Variants in BAP1 observed in about 807,000 individuals in gnomAD.
BAP1 encodes ubiquitin carboxyl-terminal hydrolase BAP1.
In BAP1, 16 loss-of-function variants were observed where a neutral mutation model predicts 77.2. The observed-to-expected ratio is 0.21, with a 90% CI of 0.14 to 0.31. BAP1 has a LOEUF of 0.31. BAP1 is among the 10% of genes least tolerant of loss of function. The pLI, the probability that BAP1 is intolerant of heterozygous loss-of-function variation, is 1.00. For missense variants in BAP1, 699 were observed against 967.3 expected, an observed-to-expected ratio of 0.72 and a Z score of 3.68; for synonymous variants, 362 against 385.2, an observed-to-expected ratio of 0.94 and a Z score of 0.71.
intron 3 of BAP1, 76 bp downstream of exon 3, chr3:52,409,478 C>T: frequency 6.3e-7 from 1 of 1,582,568 alleles, no homozygotes; most frequent in African/African-American, 1.3e-5. Context: ...CACTGTCTTC[C>T]CTAAGGGGCC....
At chr3:52,407,010 A>T in intron 7 of BAP1, 103 bp from the exon 8 acceptor site, 2 of 1,492,956 alleles carry the variant, frequency 1.3e-6, no homozygotes, top group Non-Finnish European at 1.8e-6. Flanking sequence ...CCAGGGAATC[A>T]GGAGCTGGTC....
intron 7 of BAP1, 116 bp from the exon 8 acceptor site, chr3:52,407,023 G>T: frequency 6.7e-7 from 1 of 1,489,144 alleles, no homozygotes; most frequent in Non-Finnish European, 9.2e-7. Flanking sequence ...AGCTGGTCGG[G>T]CAATATGGTG....
At chr3:52,409,686 C>T (rs761998353) in intron 2 of BAP1, 28 bp downstream of exon 2, 2 of 1,614,166 alleles carry the variant, frequency 1.2e-6, no homozygotes, top group Non-Finnish European at 1.7e-6. Flanking sequence ...GCCACAGCCC[C>T]GGTCCGGCAG....
rs1329653090 is a variant in BAP1 at position 52,403,221 on chromosome 3, C to T, written c.1807G>A (p.Val603Ile). The change falls in exon 14 of 17, where the codon GTC becomes ATC. Residue 603 changes from valine (V) to isoleucine (I), a missense_variant. Transcript: ENST00000460680. The surrounding 1 kb of genome is among the most constrained non-coding windows in gnomAD (Gnocchi z 4.0). The stretch of plus-strand genomic sequence containing the variant: ...TCTCTGCTGTCCGTGGCTTCCACGA[C>T]CTCCTTCTCCACTGGGCTGCTGGAC... Reference protein sequence around the residue: ...QGSSSPVEKEVVEATDSREKT... With the variant: ...QGSSSPVEKEIVEATDSREKT... The T allele has an allele frequency of 1.9e-6, 3 of 1,614,076 alleles. No individual in the cohort carries two copies. Among genetic ancestry groups the T allele is most frequent in the African/African-American group, 2.7e-5 (2 of 74,950 alleles).
chr3:52,405,993 A>T (rs2153227344), intron 9 of BAP1, 81 bp from the exon 10 acceptor site: 1 of 1,593,476 alleles, frequency 6.3e-7, no homozygotes, highest in Non-Finnish European at 8.6e-7. Flanking sequence ...GAGGACCTAA[A>T]GGAATAATGG....
At position 52,402,771 on chromosome 3, in the gene BAP1, T is replaced by C. The variant is rs1271117477; in HGVS notation, c.1983+8A>G. On this transcript the variant is annotated splice_region_variant and intron_variant, in intron 15 of 16. Coordinates refer to ENST00000460680, the MANE Select transcript of BAP1 (RefSeq NM_004656.4). This position sits in a 1 kb window ranked among gnomAD's most constrained non-coding sequence, Gnocchi z 5.3. ...AGGCCAGATCAGGCAACTGGAGAAA[T>C]CACCCACCTTGAACTTCTTCCTCTT... 1.2e-6 allele frequency: 2 copies of C among 1,613,992 alleles called. No individual in the cohort carries two copies. The highest frequency in any genetic ancestry group is 1.7e-6 in the Non-Finnish European group (2 of 1,180,010).
rs1705167715 is a variant in BAP1 at position 52,406,610 on chromosome 3, G to T, written c.659+219C>A. 8.1e-6 allele frequency: 7 copies of T among 867,256 alleles called. No homozygotes were observed. The highest frequency in any genetic ancestry group is 1.7e-5 in the African/African-American group (1 of 60,108). 53.7% of individuals were successfully genotyped at this position (867,256 alleles called of 1,614,324 possible). A position where few individuals can be genotyped will look rare whatever the true frequency, so the allele number is the denominator to read the frequency against. ...AACCAGCAGACCTGGGCTGCCTAAG[G>T]CTCCACTGAGGCCTGCCCCTCCCCC... On this transcript the variant is annotated intron_variant, in intron 8 of 16. Coordinates refer to ENST00000460680, the MANE Select transcript of BAP1 (RefSeq NM_004656.4). This position sits in a 1 kb window ranked among gnomAD's most constrained non-coding sequence, Gnocchi z 4.6.
In BAP1 at chr3:52,409,991, G is replaced by A; in HGVS notation, c.-113C>T. ...CCCTCAGTCCCACACACAGACAACGGGCCCAGTCGCGTCACCCGCCCGCGC... is the reference window on the plus strand; with the variant it reads ...CCCTCAGTCCCACACACAGACAACGAGCCCAGTCGCGTCACCCGCCCGCGC... On this transcript the variant is annotated 5_prime_UTR_variant, in exon 1 of 17. Coordinates refer to ENST00000460680, the MANE Select transcript of BAP1 (RefSeq NM_004656.4). 1 of 1,468,456 alleles carries A rather than the reference G, an allele frequency of 6.8e-7. No individual in the cohort carries two copies. The highest frequency in any genetic ancestry group is 2.5e-5 in the East Asian group (1 of 40,460). The allele number at this position is 1,468,456 out of a possible 1,614,324, so 91.0% of individuals were successfully genotyped here. A position where few individuals can be genotyped will look rare whatever the true frequency, so the allele number is the denominator to read the frequency against.
rs761471931 is a variant in BAP1, at chr3:52,404,440, A to C, written c.1250+13T>G. The C allele has an allele frequency of 1.9e-6, 3 of 1,614,078 alleles. No individual in the cohort carries two copies. In the South Asian group the frequency reaches 3.3e-5, roughly 18 times the overall value. On this transcript the variant is annotated intron_variant, in intron 12 of 16. Transcript: ENST00000460680. ...GCACCTAGAACCTGGTAGCCTTAGA[A>C]AGCTGGGCTGACCTAAGGGCAGAGT...
Position 52,408,030 on chromosome 3 carries a change from C to T in BAP1, c.303G>A (p.Leu101=), listed in dbSNP as rs2153228118. The T allele has an allele frequency of 1.2e-6, 2 of 1,613,466 alleles. No individual in the cohort carries two copies. The highest frequency in any genetic ancestry group is 1.1e-5 in the South Asian group (1 of 90,880). The change falls in exon 5 of 17, where the codon CTG becomes CTA. Residue 101 remains leucine (L), a synonymous_variant. Transcript: ENST00000460680. ...CATHALLSVL[L]NCSSVDLGPT... is the part of the protein sequence containing the mutation. ...GTCCCAGGTCCACGCTGCTGCAGTT[C>T]AGGAGCACGCTCAGCAAGGCATGAG...
Position 52,401,943 on chromosome 3 carries a change from G to C in BAP1, c.*345C>G. ...TTATGTCAACATGGTGGCATGTTGGGTTGGAGCCCAGAAAAATAGATGTCT... is the reference window on the plus strand; with the variant it reads ...TTATGTCAACATGGTGGCATGTTGGCTTGGAGCCCAGAAAAATAGATGTCT... On this transcript the variant is annotated 3_prime_UTR_variant, in exon 17 of 17. Transcript: ENST00000460680. 1 of 440,266 alleles carries C rather than the reference G, an allele frequency of 2.3e-6. No homozygotes were observed. The highest frequency in any genetic ancestry group is 4.2e-6 in the Non-Finnish European group (1 of 240,248). The allele number at this position is 440,266 out of a possible 1,614,324, so 27.3% of individuals were successfully genotyped here. A position where few individuals can be genotyped will look rare whatever the true frequency, so the allele number is the denominator to read the frequency against.
rs1020385611 is a variant in BAP1, at chr3:52,405,887, A to G, written c.809T>C (p.Leu270Pro). The G allele has an allele frequency of 1.2e-6, 2 of 1,614,122 alleles. No individual in the cohort carries two copies. Among genetic ancestry groups the G allele is most frequent in the Non-Finnish European group, 1.7e-6 (2 of 1,180,042 alleles). The part of the protein sequence containing the change: ...QQLIRVTQPE[L>P]IQTHKSQESQ... ...CTCTTGAGACTTGTGGGTCTGAATCAGCTCTGGCTGTGTTACTCTTATCAG... is the reference window on the plus strand; with the variant it reads ...CTCTTGAGACTTGTGGGTCTGAATCGGCTCTGGCTGTGTTACTCTTATCAG... Residue 270 changes from leucine to proline, a missense_variant, in exon 10 of 17, where the codon CTG becomes CCG. By Grantham distance (98) the Leu-to-Pro change is moderately conservative (BLOSUM62 -3). Around this residue, in one of 3 missense-constraint regions of BAP1, gnomAD observed 475 missense variants for 532.4 expected, o/e 0.89. Transcript: ENST00000460680.
chr3:52,405,521 A>AAAAAAAAC, intron 10 of BAP1: 1 of 481,116 alleles, frequency 2.1e-6, no homozygotes, highest in Non-Finnish European at 3.5e-6. Flanking sequence ...AAAAAAAAAA[A>AAAAAAAAC]CCGCCTCTAG....
chr3:52,405,865 T>C lies in BAP1; in HGVS notation c.831A>G (p.Gln277=), dbSNP rs1460299293. Residue 277 remains glutamine (Q), a synonymous_variant, in exon 10 of 17, where the codon CAA becomes CAG. Transcript: ENST00000460680. ...QPELIQTHKS[Q]ESQLPEESKS... Reference sequence around the variant, plus strand: ...TGGACTCCTCAGGCAGCTGTGACTCTTGAGACTTGTGGGTCTGAATCAGCT... The same window carrying C: ...TGGACTCCTCAGGCAGCTGTGACTCCTGAGACTTGTGGGTCTGAATCAGCT... The C allele has an allele frequency of 6.2e-7, 1 of 1,614,144 alleles. No individual in the cohort carries two copies. The highest frequency in any genetic ancestry group is 2.2e-5 in the East Asian group (1 of 44,886).
rs768114539 is a variant in BAP1 at position 52,404,423 on chromosome 3, A to C, written c.1250+30T>G. 1.2e-6 allele frequency: 2 copies of C among 1,614,212 alleles called. No homozygotes were observed. Among genetic ancestry groups the C allele is most frequent in the Non-Finnish European group, 1.7e-6 (2 of 1,180,024 alleles). ...TCAGGATGGGATCCGAAGCACCTAG[A>C]ACCTGGTAGCCTTAGAAAGCTGGGC... is the stretch of plus-strand genomic sequence containing the variant. On this transcript the variant is annotated intron_variant, in intron 12 of 16. Transcript: ENST00000460680.
chr3:52,408,854 TC>T (rs1705253393), intron 3 of BAP1, among the ~76,000 whole-genome samples: 1 of 152,198 alleles, frequency 6.6e-6, no homozygotes, highest in South Asian at 2.1e-4. Flanking sequence ...CCACCCAGTC[TC>T]CTTATGAAGT....
At chr3:52,409,004 C>T (rs571066890) in intron 3 of BAP1, among the ~76,000 whole-genome samples, 1 of 152,344 alleles carries the variant, frequency 6.6e-6, no homozygotes, top group African/African-American at 2.4e-5. Flanking sequence ...CCAATGCAGT[C>T]AGGAAAGCAA....
chr3:52,405,408 G>GACTCCCATTGCACCAGCT, intron 10 of BAP1, 114 bp from the exon 11 acceptor site: 1 of 1,189,876 alleles, frequency 8.4e-7, no homozygotes, highest in Non-Finnish European at 1.2e-6. Context: ...CCAGCCAGCT[G>GACTCCCATTGCACCAGCT]GTGCAATGGG....
chr3:52,408,402 C>G lies in BAP1; in HGVS notation c.255+72G>C, dbSNP rs78657948. 92 of 1,577,546 alleles carry G rather than the reference C, an allele frequency of 5.8e-5. No homozygotes were observed. The East Asian group carries it at 2.1e-3, about 35-fold the overall frequency. ...CTGCCTATCTCCTCCTCCTGTCTTC[C>G]TCCATTTCCACTTCCCAAGCAAAAA... On this transcript the variant is annotated intron_variant, in intron 4 of 16. Transcript: ENST00000460680.
Sources: gnomAD v4.1 joint callset for allele counts (sites outside exome capture counted in the v4.1 genomes callset) on GRCh38, gnomAD v4.1.1 for gene constraint, gnomAD v4.1.1 regional missense constraint, Gnocchi (gnomAD v3.1) non-coding constraint, MANE v1.5 for transcripts, NCBI Gene and HGNC (gene_info 2026-07-23, HGNC 2026-07-21) for gene names.